LRRTM4: variants seen among roughly 807,000 people sequenced by gnomAD.
LRRTM4 encodes leucine-rich repeat transmembrane neuronal protein 4.
In LRRTM4, 25 loss-of-function variants were observed where a neutral mutation model predicts 47.6. The ratio of observed to expected loss-of-function variants is 0.53; its 90% CI spans 0.38 to 0.73. LRRTM4 has a LOEUF of 0.73. LRRTM4 is among the 30% of genes least tolerant of loss of function. The pLI is 0.00. For missense variants in LRRTM4, 638 were observed against 713.4 expected (o/e 0.89, Z 1.20); for synonymous variants, 311 against 269.5 (o/e 1.15, Z -1.51).
chr2:76,953,042 G>A (rs1292530777), intron 3 of LRRTM4, among the ~76,000 whole-genome samples: 2 of 151,660 alleles, frequency 1.3e-5, no homozygotes, highest in Non-Finnish European at 2.9e-5. Context: ...AGAAAGAAAA[G>A]AATGGGAGAA....
intron 3 of LRRTM4, among the ~76,000 whole-genome samples, chr2:77,390,039 T>C (rs138595781): frequency 6.6e-6 from 1 of 152,240 alleles, no homozygotes; most frequent in African/African-American, 2.4e-5. Context: ...TCAGGACATG[T>C]ACTAAAGAAC....
At chr2:76,892,777 G>A (rs1673295375) in intron 3 of LRRTM4, among the ~76,000 whole-genome samples, 3 of 151,554 alleles carry the variant, frequency 2.0e-5, no homozygotes, top group Non-Finnish European at 3.0e-5. Context: ...CTCCAAAAGG[G>A]AAATGAAGTA....
intron 3 of LRRTM4, among the ~76,000 whole-genome samples, chr2:77,273,369 C>T (rs558607582): frequency 1.2e-4 from 18 of 152,210 alleles, no homozygotes; most frequent in Admixed American, 7.2e-4. Context: ...AACCTTTACC[C>T]TGTATTCTCT....
intron 3 of LRRTM4, among the ~76,000 whole-genome samples, chr2:77,070,173 G>A (rs182257476): frequency 1.7e-4 from 26 of 152,180 alleles, no homozygotes; most frequent in Admixed American, 1.4e-3. Flanking sequence ...ATCAGGGAAT[G>A]GGACTATGAG....
chr2:77,308,035 T>C (rs1340247172), intron 3 of LRRTM4, among the ~76,000 whole-genome samples: 3 of 141,716 alleles, frequency 2.1e-5, no homozygotes, highest in African/African-American at 7.7e-5. Context: ...TATATATCTA[T>C]ATATCTATAT....
intron 3 of LRRTM4, among the ~76,000 whole-genome samples, chr2:76,935,701 G>C (rs968541350): frequency 6.6e-6 from 1 of 152,172 alleles, no homozygotes; most frequent in Admixed American, 6.6e-5. Context: ...TTTGTATCCT[G>C]AGACTTTGCT....
chr2:77,019,690 C>T (rs1440106676), intron 3 of LRRTM4, among the ~76,000 whole-genome samples: 1 of 152,022 alleles, frequency 6.6e-6, no homozygotes, highest in African/African-American at 2.4e-5. Context: ...ATATCTAAAT[C>T]CATTTTAAGA....
At chr2:77,221,829 T>C (rs181911222) in intron 3 of LRRTM4, among the ~76,000 whole-genome samples, 33 of 152,254 alleles carry the variant, frequency 2.2e-4, no homozygotes, top group East Asian at 1.9e-3. Flanking sequence ...TATCCAGGAA[T>C]TGAACTCAGC....
At chr2:76,919,735 CAGTT>C (rs1558738759) in intron 3 of LRRTM4, among the ~76,000 whole-genome samples, 1 of 152,128 alleles carries the variant, frequency 6.6e-6, no homozygotes, top group East Asian at 1.9e-4. Context: ...TCCTTTTACT[CAGTT>C]AAAGAAATCT....
At chr2:77,455,621 T>C (rs758235444) in intron 3 of LRRTM4, among the ~76,000 whole-genome samples, 1 of 151,994 alleles carries the variant, frequency 6.6e-6, no homozygotes, top group Non-Finnish European at 1.5e-5. Context: ...CTCCTGCACC[T>C]CTCTCACCAT....
At chr2:77,152,481 A>AC (rs1471633972) in intron 3 of LRRTM4, among the ~76,000 whole-genome samples, 1 of 152,046 alleles carries the variant, frequency 6.6e-6, no homozygotes, top group Non-Finnish European at 1.5e-5. Flanking sequence ...GGTGTGTGCC[A>AC]CCACGCCGGG....
intron 3 of LRRTM4, among the ~76,000 whole-genome samples, chr2:76,975,941 T>C (rs552786716): frequency 1.6e-4 from 24 of 151,986 alleles, no homozygotes; most frequent in African/African-American, 5.5e-4. Context: ...AATAAATAGA[T>C]TGCATTCTTT....
intron 3 of LRRTM4, among the ~76,000 whole-genome samples, chr2:77,507,610 C>T (rs150295044): frequency 1.3e-5 from 2 of 151,816 alleles, no homozygotes; most frequent in Non-Finnish European, 2.9e-5. Flanking sequence ...TCAAGATTGA[C>T]ATCTAAGTAA....
At chr2:77,041,508 T>C (rs1250004082) in intron 3 of LRRTM4, among the ~76,000 whole-genome samples, 3 of 151,560 alleles carry the variant, frequency 2.0e-5, no homozygotes, top group African/African-American at 4.8e-5. Context: ...ATAGTGGCTG[T>C]ACTAATTTGC....
intron 3 of LRRTM4, among the ~76,000 whole-genome samples, chr2:77,385,827 A>G (rs1673244052): frequency 7.2e-6 from 1 of 138,554 alleles, no homozygotes; most frequent in South Asian, 2.2e-4. Flanking sequence ...AGCTCGGTGT[A>G]ACCTCCGCAT....
At chr2:77,405,076 C>T (rs1327611202) in intron 3 of LRRTM4, among the ~76,000 whole-genome samples, 1 of 151,898 alleles carries the variant, frequency 6.6e-6, no homozygotes, top group East Asian at 1.9e-4. Context: ...TACTAAATAG[C>T]AAGTGTAAGC....
At chr2:77,252,134 G>A (rs893009197) in intron 3 of LRRTM4, among the ~76,000 whole-genome samples, 18 of 152,136 alleles carry the variant, frequency 1.2e-4, no homozygotes, top group African/African-American at 4.3e-4. Context: ...CACCAGAAAT[G>A]TGTGAAGCAG....
intron 3 of LRRTM4, among the ~76,000 whole-genome samples, chr2:76,898,723 A>G (rs926502767): frequency 2.0e-5 from 3 of 151,508 alleles, no homozygotes; most frequent in South Asian, 2.1e-4. Flanking sequence ...AATATCTACT[A>G]TATCTAAAAA....
intron 3 of LRRTM4, among the ~76,000 whole-genome samples, chr2:77,144,112 C>T (rs776322177): frequency 2.4e-4 from 37 of 152,092 alleles, no homozygotes; most frequent in Non-Finnish European, 8.8e-5. Context: ...CTTTAGCCAA[C>T]CCAGTGGGAA....
Sources: allele counts gnomAD v4.1 joint callset (sites outside exome capture counted in the v4.1 genomes callset), GRCh38; gene constraint gnomAD v4.1.1; transcripts MANE v1.5; gene names NCBI Gene and HGNC (gene_info 2026-07-23, HGNC 2026-07-21).